Variants in CPNE5 observed in about 807,000 individuals in gnomAD.
CPNE5 encodes copine 5.
Under a neutral mutation model 81.1 loss-of-function variants are expected in CPNE5, and 42 were observed. That is an observed-to-expected ratio of 0.52 (90% CI 0.40 to 0.67). The LOEUF (loss-of-function observed/expected upper bound fraction) is 0.67, where lower values mean the gene tolerates loss of function less well. CPNE5 is among the 30% of genes least tolerant of loss of function. The pLI, the probability that CPNE5 is intolerant of heterozygous loss-of-function variation, is 0.00. For synonymous variants in CPNE5, 313 were observed against 321.5 expected, an observed-to-expected ratio of 0.97 and a Z score of 0.28; for missense variants, 612 against 815.5, an observed-to-expected ratio of 0.75 and a Z score of 3.04.
intron 3 of CPNE5, among the ~76,000 whole-genome samples, chr6:36,812,076 C>T (rs1378968465): frequency 1.3e-5 from 2 of 152,172 alleles, no homozygotes; most frequent in African/African-American, 4.8e-5. Flanking sequence ...CACACTCCAG[C>T]CTGGGCGACA....
intron 3 of CPNE5, among the ~76,000 whole-genome samples, chr6:36,818,071 T>A (rs1771712764): frequency 6.6e-6 from 1 of 152,170 alleles, no homozygotes; most frequent in South Asian, 2.1e-4. Context: ...CTCCACAGAC[T>A]GAGGCCAGTC....
At position 36,746,297 on chromosome 6, in the gene CPNE5, G is replaced by T. The variant is rs1764151026; in HGVS notation, c.1200+99C>A. 1.1e-5 allele frequency: 16 copies of T among 1,477,152 alleles called. No homozygotes were observed. The highest frequency in any genetic ancestry group is 2.8e-5 in the African/African-American group (2 of 70,340). The allele number at this position is 1,477,152 out of a possible 1,614,324, so 91.5% of individuals were successfully genotyped here. On this transcript the variant is annotated intron_variant, in intron 16 of 20. Coordinates refer to ENST00000244751, the MANE Select transcript of CPNE5 (RefSeq NM_020939.2). The surrounding 1 kb of genome is among the most constrained non-coding windows in gnomAD (Gnocchi z 4.5). ...TACCTCCACTGAGGCTGAGCCTTAA[G>T]TCCCCGGGCTCAGAGGAAGGGAAAC...
chr6:36,763,283 A>G (rs1337042552), intron 11 of CPNE5, among the ~76,000 whole-genome samples: 1 of 152,212 alleles, frequency 6.6e-6, no homozygotes, highest in Non-Finnish European at 1.5e-5. Context: ...GGAAATTTGA[A>G]TATGAAATGA....
At position 36,839,136 on chromosome 6, in the gene CPNE5, G is replaced by T. The variant is rs1583086109; in HGVS notation, c.95+147C>A. On this transcript the variant is annotated intron_variant, in intron 1 of 20. Transcript: ENST00000244751. The surrounding 1 kb of genome is among the most constrained non-coding windows in gnomAD (Gnocchi z 7.3). ...CCACCCGCAGCTGGACAGGACAGGG[G>T]CTCTTGGCAGATCGGCAGGGGCGCA... 8.7e-6 allele frequency: 5 copies of T among 576,188 alleles called. No individual in the cohort carries two copies. The highest frequency in any genetic ancestry group is 1.5e-5 in the Non-Finnish European group (5 of 339,504). 35.7% of individuals were successfully genotyped at this position (576,188 alleles called of 1,614,324 possible).
chr6:36,786,012 CAAAAAA>C (rs36060316), intron 8 of CPNE5, among the ~76,000 whole-genome samples: 11 of 83,856 alleles, frequency 1.3e-4, no homozygotes, highest in South Asian at 3.8e-4. Flanking sequence ...GACTCCGTCT[CAAAAAA>C]AAAAAAAAAA....
In CPNE5 at chr6:36,839,410, A is replaced by G. The variant is rs1773836587; in HGVS notation, c.-33T>C. ...CGCACCCCCCACCCCAAATTAGTCA[A>G]TCCCTGCGCGATTCACGCCTCCTCC... On this transcript the variant is annotated 5_prime_UTR_variant, in exon 1 of 21. Transcript: ENST00000244751. The surrounding 1 kb of genome is among the most constrained non-coding windows in gnomAD (Gnocchi z 7.3). 2 of 1,509,016 alleles carry G rather than the reference A, an allele frequency of 1.3e-6. No individual in the cohort carries two copies. Among genetic ancestry groups the G allele is most frequent in the Non-Finnish European group, 9.0e-7 (1 of 1,116,444 alleles). 93.5% of individuals were successfully genotyped at this position (1,509,016 alleles called of 1,614,324 possible).
At chr6:36,821,105 T>C (rs1320801834) in intron 3 of CPNE5, among the ~76,000 whole-genome samples, 1 of 151,036 alleles carries the variant, frequency 6.6e-6, no homozygotes, top group African/African-American at 2.4e-5. Flanking sequence ...GTTAAAACCT[T>C]AGGGAAGCAT....
chr6:36,834,581 A>G (rs1773296321), intron 1 of CPNE5, among the ~76,000 whole-genome samples: 1 of 151,766 alleles, frequency 6.6e-6, no homozygotes, highest in Non-Finnish European at 1.5e-5. Context: ...GCTTGAACCC[A>G]GTAGGCAGAG....
Position 36,823,201 on chromosome 6 carries a change from G to A in CPNE5, c.96-103C>T, listed in dbSNP as rs913605415. The A allele has an allele frequency of 1.8e-5, 17 of 934,174 alleles. No individual in the cohort carries two copies. The African/African-American group carries it at 2.4e-4, about 13-fold the overall frequency. 57.9% of individuals were successfully genotyped at this position (934,174 alleles called of 1,614,324 possible). A position where few individuals can be genotyped will look rare whatever the true frequency, so the allele number is the denominator to read the frequency against. On this transcript the variant is annotated intron_variant, in intron 1 of 20. Transcript: ENST00000244751. ...AGACCCAGAGGCTGCCTCTGGCCTG[G>A]CCTCAGGCAAAACAGTTCCACAATC...
chr6:36,744,137 C>T (rs1382978693), intron 19 of CPNE5, 131 bp downstream of exon 19: 1 of 785,142 alleles, frequency 1.3e-6, no homozygotes, highest in East Asian at 2.7e-5. Context: ...CACACACGCC[C>T]AGGCGGGAGC....
intron 12 of CPNE5, among the ~76,000 whole-genome samples, chr6:36,761,979 C>A (rs538375297): frequency 6.6e-6 from 1 of 152,020 alleles, no homozygotes; most frequent in Non-Finnish European, 1.5e-5. Context: ...CAGTAGAACG[C>A]GGTGGCTCAG....
At chr6:36,822,569 G>C (rs947812964) in intron 2 of CPNE5, among the ~76,000 whole-genome samples, 1 of 152,158 alleles carries the variant, frequency 6.6e-6, no homozygotes, top group Admixed American at 6.5e-5. Context: ...GTGGGGGAGA[G>C]CATCAGAAAT....
intron 5 of CPNE5, 41 bp downstream of exon 5, chr6:36,798,414 A>G: frequency 6.2e-7 from 1 of 1,606,590 alleles, no homozygotes; most frequent in Middle Eastern, 1.7e-4. Context: ...ATGGCATTTC[A>G]GAAACTATGG....
chr6:36,751,826 A>G (rs1456901803), intron 14 of CPNE5, among the ~76,000 whole-genome samples: 4 of 151,870 alleles, frequency 2.6e-5, no homozygotes, highest in African/African-American at 9.7e-5. Flanking sequence ...AAAATAAAAT[A>G]AACATAAATA....
chr6:36,775,310 G>A lies in CPNE5; in HGVS notation c.633-245C>T, dbSNP rs78048489. ...ACCTGGAGGTGGGGACAAGTCCCAG[G>A]GTGTCAGGAGCCCTGGGTTCTAGCC... On this transcript the variant is annotated intron_variant, in intron 9 of 20. Coordinates refer to ENST00000244751, the MANE Select transcript of CPNE5 (RefSeq NM_020939.2). Among the ~76,000 whole-genome samples the A allele has an allele frequency of 8.5e-3, 1,301 of 152,272 alleles. 15 individuals are homozygous for A. The highest frequency in any genetic ancestry group is 0.029 in the African/African-American group (1,219 of 41,550).
rs542693577 is a variant in CPNE5, at chr6:36,792,583, C to T, written c.465-487G>A. The T allele has an allele frequency of 3.3e-4, 146 of 440,736 alleles. 3 individuals are homozygous for T. Among genetic ancestry groups the T allele is most frequent in the South Asian group, 2.2e-3 (138 of 62,012 alleles). The allele number at this position is 440,736 out of a possible 1,614,324, so 27.3% of individuals were successfully genotyped here. A position where few individuals can be genotyped will look rare whatever the true frequency, so the allele number is the denominator to read the frequency against. On this transcript the variant is annotated intron_variant, in intron 7 of 20. Coordinates refer to ENST00000244751, the MANE Select transcript of CPNE5 (RefSeq NM_020939.2). The stretch of plus-strand genomic sequence containing the variant: ...AGGCAGGAGGGCTGGTGGGCCCTCG[C>T]TGGCAGCTTGCCCAGGCTCCTTCCC...
chr6:36,745,250 G>T, intron 17 of CPNE5, 100 bp from the exon 18 acceptor site: 3 of 1,414,676 alleles, frequency 2.1e-6, no homozygotes, highest in South Asian at 1.2e-5. Flanking sequence ...GACAGCTCTT[G>T]GGGGAATCTC....
At chr6:36,755,529 GTGTTTT>G (rs1201739807) in intron 13 of CPNE5, 2 of 144,058 alleles carry the variant, frequency 1.4e-5, no homozygotes, top group African/African-American at 5.1e-5. Context: ...GTGTGTGTGT[GTGTTTT>G]TTTTTTTTCT....
intron 12 of CPNE5, among the ~76,000 whole-genome samples, chr6:36,761,608 G>A (rs1766032165): frequency 1.3e-5 from 2 of 152,222 alleles, no homozygotes; most frequent in Non-Finnish European, 2.9e-5. Context: ...ATGGTAGGAT[G>A]GTTGTAAAAT....
Sources: gnomAD v4.1 joint callset for allele counts (sites outside exome capture counted in the v4.1 genomes callset) on GRCh38, gnomAD v4.1.1 for gene constraint, Gnocchi (gnomAD v3.1) non-coding constraint, MANE v1.5 for transcripts, NCBI Gene and HGNC (gene_info 2026-07-23, HGNC 2026-07-21) for gene names.